SLC22A24: variants seen among roughly 807,000 people sequenced by gnomAD.
SLC22A24 encodes the protein solute carrier family 22 member 24.
In SLC22A24, 53 loss-of-function variants were observed where a neutral mutation model predicts 49.8. That is an observed-to-expected ratio of 1.06 (90% CI 0.85 to 1.34). The LOEUF (loss-of-function observed/expected upper bound fraction) is 1.34. SLC22A24 is among the 40% of genes most tolerant of loss of function. SLC22A24 has a pLI of 0.00. For synonymous variants in SLC22A24, 302 were observed against 256.4 expected (o/e 1.18, Z -1.70); for missense variants, 786 against 675.9 (o/e 1.16, Z -1.81).
intron 1 of SLC22A24, among the ~76,000 whole-genome samples, chr11:63,136,384 C>A (rs547357044): frequency 6.6e-6 from 1 of 152,312 alleles, no homozygotes; most frequent in African/African-American, 2.4e-5. Flanking sequence ...GCAACACCTG[C>A]AACTGGCACT....
chr11:63,127,866 C>T (rs763962834), intron 2 of SLC22A24, among the ~76,000 whole-genome samples: 3 of 151,542 alleles, frequency 2.0e-5, no homozygotes, highest in African/African-American at 7.3e-5. Flanking sequence ...TGGATATTAG[C>T]TGTTTGTCAG....
chr11:63,106,476 T>G (rs1365567947), intron 4 of SLC22A24, among the ~76,000 whole-genome samples: 1 of 152,100 alleles, frequency 6.6e-6, no homozygotes, highest in Non-Finnish European at 1.5e-5. Context: ...TCAAATGGTA[T>G]TTCTAGTTCT....
intron 6 of SLC22A24, among the ~76,000 whole-genome samples, chr11:63,083,659 A>G (rs1487101666): frequency 6.6e-6 from 1 of 152,230 alleles, no homozygotes; most frequent in African/African-American, 2.4e-5. Flanking sequence ...AACATAAAAT[A>G]ATTGTGGAAC....
intron 2 of SLC22A24, among the ~76,000 whole-genome samples, chr11:63,132,717 G>A (rs952626041): frequency 6.6e-6 from 1 of 152,142 alleles, no homozygotes; most frequent in Non-Finnish European, 1.5e-5. Flanking sequence ...GTGTCTGTCG[G>A]CCCCTACTGG....
At chr11:63,140,940 T>C (rs1312558598) in intron 1 of SLC22A24, among the ~76,000 whole-genome samples, 3 of 152,196 alleles carry the variant, frequency 2.0e-5, no homozygotes, top group Non-Finnish European at 2.9e-5. Context: ...GCGTTAATCT[T>C]ATAAAAAATT....
chr11:63,104,216 T>A lies in SLC22A24; in HGVS notation c.913A>T (p.Ile305Leu). ...GLKELRRVAH[I>L]NGKKNTEETL... The stretch of plus-strand genomic sequence containing the variant: ...TCTTCAGTATTCTTTTTTCCATTTA[T>A]GTGTGCAACTCTTCTAAGCTCCTTT... The change falls in exon 5 of 10, where the codon ATA (isoleucine) becomes TTA (leucine). Residue 305 changes from isoleucine (I) to leucine (L), a missense_variant. Physicochemically the swap from Ile to Leu is conservative, Grantham distance 5. Coordinates refer to ENST00000612278, the MANE Select transcript of SLC22A24 (RefSeq NM_001136506.2). The A allele has an allele frequency of 6.4e-7, 1 of 1,550,822 alleles. No homozygotes were observed. The highest frequency in any genetic ancestry group is 8.7e-7 in the Non-Finnish European group (1 of 1,146,888).
intron 7 of SLC22A24, among the ~76,000 whole-genome samples, chr11:63,082,341 A>G (rs2086965028): frequency 6.6e-6 from 1 of 152,206 alleles, no homozygotes; most frequent in Non-Finnish European, 1.5e-5. Context: ...TGAAAATTCA[A>G]AAAGGTACTT....
intron 6 of SLC22A24, 31 bp from the exon 7 acceptor site, chr11:63,083,488 T>A (rs757295877): frequency 6.7e-7 from 1 of 1,498,710 alleles, no homozygotes; most frequent in South Asian, 1.2e-5. Context: ...AAAGACATAT[T>A]CAATAAGATT....
intron 2 of SLC22A24, among the ~76,000 whole-genome samples, chr11:63,128,473 A>G (rs915035686): frequency 1.3e-5 from 2 of 152,026 alleles, no homozygotes; most frequent in African/African-American, 4.8e-5. Context: ...AGGGCCTGAC[A>G]TCAGTCAGGC....
intron 6 of SLC22A24, among the ~76,000 whole-genome samples, chr11:63,093,097 G>A (rs760402288): frequency 6.6e-5 from 10 of 152,010 alleles, no homozygotes; most frequent in South Asian, 2.1e-4. Flanking sequence ...AAAGCTCATC[G>A]TCACTGGTCA....
intron 8 of SLC22A24, 118 bp downstream of exon 8, chr11:63,081,440 C>A (rs2086959512): frequency 4.0e-6 from 3 of 758,316 alleles, no homozygotes; most frequent in Admixed American, 2.3e-5. Context: ...TTACTCTGTT[C>A]ATTTCTATTA....
intron 4 of SLC22A24, among the ~76,000 whole-genome samples, chr11:63,112,547 G>A (rs1316358175): frequency 6.6e-6 from 1 of 151,968 alleles, no homozygotes; most frequent in Non-Finnish European, 1.5e-5. Context: ...GAATTTTGTT[G>A]ATTGTTTCAA....
chr11:63,125,015 A>G lies in SLC22A24; in HGVS notation c.507-5680T>C, dbSNP rs193116720. Among the ~76,000 whole-genome samples, 62 of 152,056 alleles carry G rather than the reference A, an allele frequency of 4.1e-4. No individual in the cohort carries two copies. The East Asian group carries it at 0.012, about 30-fold the overall frequency. On this transcript the variant is annotated intron_variant, in intron 2 of 9. Coordinates refer to ENST00000612278, the MANE Select transcript of SLC22A24 (RefSeq NM_001136506.2). ...TATACCTAATGCTAAATGACGAGTT[A>G]ATGGGTGCAGCACACCAGCATGGCA...
chr11:63,082,179 C>G (rs1241945703), intron 7 of SLC22A24, among the ~76,000 whole-genome samples: 4 of 152,102 alleles, frequency 2.6e-5, no homozygotes, highest in African/African-American at 9.7e-5. Flanking sequence ...GACAGATATT[C>G]TACCATATAG....
chr11:63,140,088 GT>G lies in SLC22A24; in HGVS notation c.402+3289del, dbSNP rs71065339. On this transcript the variant is annotated intron_variant, in intron 1 of 9. Coordinates refer to ENST00000612278, the MANE Select transcript of SLC22A24 (RefSeq NM_001136506.2). ...TTTTGTTTTTTTGTTTTTTTTTTTT[GT>G]TTTTTTTTTTTGAGACGGGGTCTTG... 7.0e-3 allele frequency among the ~76,000 whole-genome samples: 950 copies of G among 134,920 alleles called. 10 individuals are homozygous for G. Among genetic ancestry groups the G allele is most frequent in the African/African-American group, 0.022 (788 of 35,592 alleles). The allele number at this position is 134,920 out of a possible 152,430, so 88.5% of individuals were successfully genotyped here.
rs552764662 is a variant in SLC22A24, at chr11:63,099,954, C to T, written c.955-3848G>A. Among the ~76,000 whole-genome samples, 4 of 152,190 alleles carry T rather than the reference C, an allele frequency of 2.6e-5. No homozygotes were observed. In the South Asian group the frequency reaches 8.3e-4, roughly 32 times the overall value. On this transcript the variant is annotated intron_variant, in intron 5 of 9. Coordinates refer to ENST00000612278, the MANE Select transcript of SLC22A24 (RefSeq NM_001136506.2). ...TATAATAAAAGCCAGATATGATAGA[C>T]ACACAGCTAGTACCATAGTAAATGG... is the stretch of plus-strand genomic sequence containing the variant.
At chr11:63,136,708 T>G (rs1049957038) in intron 1 of SLC22A24, among the ~76,000 whole-genome samples, 41 of 152,162 alleles carry the variant, frequency 2.7e-4, no homozygotes, top group Admixed American at 3.3e-4. Context: ...CCTTGGGTGG[T>G]TGCAAATTTG....
At chr11:63,085,006 G>T (rs2086979578) in intron 6 of SLC22A24, among the ~76,000 whole-genome samples, 1 of 151,782 alleles carries the variant, frequency 6.6e-6, no homozygotes, top group South Asian at 2.1e-4. Context: ...TTTCATCAGG[G>T]ATAGGGAAAG....
At chr11:63,132,238 C>T (rs1230896732) in intron 2 of SLC22A24, among the ~76,000 whole-genome samples, 6 of 152,152 alleles carry the variant, frequency 3.9e-5, no homozygotes, top group Non-Finnish European at 7.3e-5. Flanking sequence ...GCTTCTTTAG[C>T]TTGGAGAAGT....
Sources: gnomAD v4.1 joint callset for allele counts (sites outside exome capture counted in the v4.1 genomes callset) on GRCh38, gnomAD v4.1.1 for gene constraint, MANE v1.5 for transcripts, NCBI Gene and HGNC (gene_info 2026-07-23, HGNC 2026-07-21) for gene names.